The following CACNA2D3 variants were observed in gnomAD, a reference collection of about 807,000 sequenced individuals.
The protein encoded by CACNA2D3 is voltage-dependent calcium channel subunit alpha-2/delta-3.
In CACNA2D3, 60 loss-of-function variants were observed where a neutral mutation model predicts 160.6. The observed-to-expected ratio is 0.37, with a 90% CI of 0.30 to 0.46. The LOEUF (loss-of-function observed/expected upper bound fraction) is 0.46. Among genes scored for constraint, CACNA2D3 ranks in the 20% least tolerant of loss-of-function variants. The probability of loss-of-function intolerance (pLI) is 1.00; values close to 1 mark genes in which losing one functional copy is unlikely to be tolerated. For missense variants in CACNA2D3, 1,205 were observed against 1,365.0 expected, an observed-to-expected ratio of 0.88 and a Z score of 1.85; for synonymous variants, 558 against 492.9, an observed-to-expected ratio of 1.13 and a Z score of -1.75.
At chr3:55,050,249 T>G (rs1195650881) in intron 35 of CACNA2D3, among the ~76,000 whole-genome samples, 2,662 of 151,114 alleles carry the variant, frequency 0.018, 81 homozygotes, top group African/African-American at 0.062. Flanking sequence ...TACCGGTTGT[T>G]CCTTTCCATG....
At chr3:54,167,934 T>A (rs1468861894) in intron 2 of CACNA2D3, among the ~76,000 whole-genome samples, 1 of 152,232 alleles carries the variant, frequency 6.6e-6, no homozygotes, top group Non-Finnish European at 1.5e-5. Flanking sequence ...GCTTTTGCTT[T>A]TCTTCTCCAT....
At chr3:54,590,998 G>A (rs909352192) in intron 9 of CACNA2D3, among the ~76,000 whole-genome samples, 14 of 152,034 alleles carry the variant, frequency 9.2e-5, no homozygotes, top group African/African-American at 3.4e-4. Flanking sequence ...AAGCTCAGAC[G>A]ACAAAGCATT....
chr3:54,755,802 C>T (rs955282053), intron 12 of CACNA2D3, among the ~76,000 whole-genome samples: 3 of 151,928 alleles, frequency 2.0e-5, no homozygotes, highest in Non-Finnish European at 4.4e-5. Flanking sequence ...AAAAGAGTTC[C>T]TTTCCATTTT....
chr3:54,751,087 T>TC (rs1701848954), intron 11 of CACNA2D3, among the ~76,000 whole-genome samples: 1 of 151,246 alleles, frequency 6.6e-6, no homozygotes, highest in Non-Finnish European at 1.5e-5. Context: ...TGCTTTCTTT[T>TC]CCCCCCAAGA....
rs117906901 is a variant in CACNA2D3, at chr3:54,651,238, G to A, written c.1167+8997G>A. On this transcript the variant is annotated intron_variant, in intron 11 of 37. Transcript: ENST00000474759. ...AGGGTCTGCAGAATGTCAGGAACTC[G>A]TTGATCTTAGATTAGAACCCACTGG... Among the ~76,000 whole-genome samples, 10 of 152,224 alleles carry A rather than the reference G, an allele frequency of 6.6e-5. No individual in the cohort carries two copies. In the East Asian group the frequency reaches 1.6e-3, roughly 24 times the overall value.
chr3:54,225,131 G>T (rs1701648162), intron 2 of CACNA2D3, among the ~76,000 whole-genome samples: 1 of 151,614 alleles, frequency 6.6e-6, no homozygotes, highest in Non-Finnish European at 1.5e-5. Context: ...AGGCCCCAGT[G>T]TGTGATGTTC....
At chr3:54,275,594 A>G (rs1484853583) in intron 2 of CACNA2D3, among the ~76,000 whole-genome samples, 2 of 152,192 alleles carry the variant, frequency 1.3e-5, no homozygotes, top group Admixed American at 1.3e-4. Context: ...ATACTGACAG[A>G]CACTAAAAGG....
chr3:54,127,502 A>G (rs1699617581), intron 2 of CACNA2D3, among the ~76,000 whole-genome samples: 3 of 152,184 alleles, frequency 2.0e-5, no homozygotes, highest in Admixed American at 2.0e-4. Flanking sequence ...CTTATCAGGA[A>G]TTAGGTAGCA....
chr3:54,739,416 ACT>A (rs1701596995), intron 11 of CACNA2D3, among the ~76,000 whole-genome samples: 3 of 120,662 alleles, frequency 2.5e-5, no homozygotes, highest in Non-Finnish European at 3.4e-5. Flanking sequence ...GGAGAGTGAG[ACT>A]CTGTCTCAAA....
At chr3:54,311,023 CT>C (rs1325284715) in intron 2 of CACNA2D3, among the ~76,000 whole-genome samples, 1 of 152,162 alleles carries the variant, frequency 6.6e-6, no homozygotes, top group Non-Finnish European at 1.5e-5. Context: ...CCGCTTGCCC[CT>C]AGCAAGTGCA....
chr3:54,784,983 G>A (rs1372314862), intron 13 of CACNA2D3, among the ~76,000 whole-genome samples: 1 of 152,116 alleles, frequency 6.6e-6, no homozygotes, highest in East Asian at 1.9e-4. Flanking sequence ...TTGGGAAGGG[G>A]GCCAGAGAGT....
At chr3:54,290,835 C>T (rs895350573) in intron 2 of CACNA2D3, among the ~76,000 whole-genome samples, 3 of 151,944 alleles carry the variant, frequency 2.0e-5, no homozygotes, top group Admixed American at 6.6e-5. Flanking sequence ...CGCATGTTCT[C>T]ACTCATAGGT....
intron 29 of CACNA2D3, among the ~76,000 whole-genome samples, chr3:54,973,392 G>A (rs1385184191): frequency 6.6e-6 from 1 of 152,180 alleles, no homozygotes; most frequent in Admixed American, 6.5e-5. Context: ...AAAGACGGTG[G>A]AAGGTGAGAA....
intron 11 of CACNA2D3, among the ~76,000 whole-genome samples, chr3:54,668,804 T>C (rs1185317586): frequency 6.6e-6 from 1 of 151,668 alleles, no homozygotes; most frequent in Non-Finnish European, 1.5e-5. Context: ...TGGAAGGCCG[T>C]ACAGTGTCCA....
intron 5 of CACNA2D3, among the ~76,000 whole-genome samples, chr3:54,504,374 T>G (rs62254233): frequency 0.1 from 15,953 of 152,248 alleles, 1,063 homozygotes; most frequent in Middle Eastern, 0.18. Flanking sequence ...TTCTACTTCT[T>G]TCTGGCTGTG....
At chr3:54,838,456 T>A in intron 15 of CACNA2D3, 112 bp from the exon 16 acceptor site, 1 of 816,286 alleles carries the variant, frequency 1.2e-6, no homozygotes, top group Non-Finnish European at 2.1e-6. Flanking sequence ...ATCCTCAATC[T>A]GTATCAGTTT....
intron 2 of CACNA2D3, among the ~76,000 whole-genome samples, chr3:54,214,658 C>T (rs1701429856): frequency 6.6e-6 from 1 of 152,176 alleles, no homozygotes. Context: ...GGTGCTGAAG[C>T]ATCCTGCCAG....
intron 2 of CACNA2D3, among the ~76,000 whole-genome samples, chr3:54,299,160 T>G (rs1014540505): frequency 3.3e-5 from 5 of 151,508 alleles, no homozygotes; most frequent in African/African-American, 1.2e-4. Flanking sequence ...TGGTTTGTAG[T>G]GGGAGTCATG....
intron 31 of CACNA2D3, among the ~76,000 whole-genome samples, chr3:55,003,468 A>C (rs1208384420): frequency 6.6e-6 from 1 of 152,214 alleles, no homozygotes; most frequent in East Asian, 1.9e-4. Flanking sequence ...AGGGCAGGTG[A>C]ATAGGAAAAA....
Sources: allele counts gnomAD v4.1 joint callset (sites outside exome capture counted in the v4.1 genomes callset), GRCh38; gene constraint gnomAD v4.1.1; transcripts MANE v1.5; gene names NCBI Gene and HGNC (gene_info 2026-07-23, HGNC 2026-07-21).